Variants in ALDH9A1 observed in about 807,000 individuals in gnomAD.
ALDH9A1 encodes 4-trimethylaminobutyraldehyde dehydrogenase.
Under a neutral mutation model 56.6 loss-of-function variants are expected in ALDH9A1, and 42 were observed. That is an observed-to-expected ratio of 0.74 (90% CI 0.58 to 0.96). The LOEUF (loss-of-function observed/expected upper bound fraction) is 0.96. Among genes scored for constraint, ALDH9A1 ranks in the 40% least tolerant of loss-of-function variants. The pLI, the probability that ALDH9A1 is intolerant of heterozygous loss-of-function variation, is 0.00. For synonymous variants in ALDH9A1, 242 were observed against 236.0 expected, an observed-to-expected ratio of 1.03 and a Z score of -0.23; for missense variants, 661 against 651.5, an observed-to-expected ratio of 1.01 and a Z score of -0.16.
rs554203371 is a variant in ALDH9A1, at chr1:165,680,432, G to A, written c.789+55C>T. 3.7e-5 allele frequency: 58 copies of A among 1,576,756 alleles called. No homozygotes were observed. The African/African-American group carries it at 4.0e-4, about 11-fold the overall frequency. Reference sequence around the variant, plus strand: ...TCCAAAATATACTCTGGGTAGGACCGGATTTGCCACATCCAAATGCCATGT... The same window carrying A: ...TCCAAAATATACTCTGGGTAGGACCAGATTTGCCACATCCAAATGCCATGT... On this transcript the variant is annotated intron_variant, in intron 5 of 10. Coordinates refer to ENST00000354775, the MANE Select transcript of ALDH9A1 (RefSeq NM_000696.4).
chr1:165,670,230 C>T (rs900907374), intron 6 of ALDH9A1, among the ~76,000 whole-genome samples: 8 of 152,064 alleles, frequency 5.3e-5, no homozygotes, highest in African/African-American at 1.9e-4. Flanking sequence ...CTCAGGAGTC[C>T]AAAATCAGCT....
At chr1:165,686,345 G>A (rs1649707661) in intron 2 of ALDH9A1, among the ~76,000 whole-genome samples, 1 of 152,014 alleles carries the variant, frequency 6.6e-6, no homozygotes, top group Non-Finnish European at 1.5e-5. Context: ...AAGATAGGGT[G>A]GGAGTTTAGG....
At chr1:165,663,526 C>T (rs1327240758) in intron 10 of ALDH9A1, among the ~76,000 whole-genome samples, 1 of 152,222 alleles carries the variant, frequency 6.6e-6, no homozygotes, top group Non-Finnish European at 1.5e-5. Context: ...ACACAATAGG[C>T]TTATTCACCA....
intron 2 of ALDH9A1, among the ~76,000 whole-genome samples, chr1:165,688,041 G>A (rs1033997562): frequency 1.3e-4 from 19 of 151,760 alleles, no homozygotes; most frequent in Admixed American, 1.1e-3. Context: ...TCTAGGCTGG[G>A]TACAGTGGCA....
At chr1:165,696,153 A>G (rs557267152) in intron 1 of ALDH9A1, among the ~76,000 whole-genome samples, 1 of 152,196 alleles carries the variant, frequency 6.6e-6, no homozygotes, top group East Asian at 1.9e-4. Flanking sequence ...CACCCGGCCT[A>G]GCAGTTCTTA....
At chr1:165,683,911 T>C (rs1047410323) in intron 2 of ALDH9A1, among the ~76,000 whole-genome samples, 1 of 152,190 alleles carries the variant, frequency 6.6e-6, no homozygotes. Context: ...GCAGTTGCTA[T>C]TATGGGTCCA....
intron 2 of ALDH9A1, among the ~76,000 whole-genome samples, chr1:165,691,113 G>A (rs1649875200): frequency 6.6e-6 from 1 of 152,242 alleles, no homozygotes; most frequent in African/African-American, 2.4e-5. Flanking sequence ...CCTCCCAGTC[G>A]AGGCCGACTG....
Position 165,680,702 on chromosome 1 carries a change from C to T in ALDH9A1, c.593-19G>A. The T allele has an allele frequency of 6.3e-7, 1 of 1,578,842 alleles. No individual in the cohort carries two copies. The highest frequency in any genetic ancestry group is 8.6e-7 in the Non-Finnish European group (1 of 1,164,444). ...GCATTACCTGCATAAACCCAAGACA[C>T]AAACATAAAAAGACTTTCTAAGACC... On this transcript the variant is annotated intron_variant, in intron 4 of 10. Transcript: ENST00000354775.
rs142640961 is a variant in ALDH9A1 at position 165,695,377 on chromosome 1, T to C, written c.202A>G (p.Thr68Ala). The change falls in exon 2 of 11, where the codon ACA becomes GCA. Residue 68 changes from threonine to alanine, a missense_variant. Physicochemically the swap from Thr to Ala is moderately conservative, Grantham distance 58. Coordinates refer to ENST00000354775, the MANE Select transcript of ALDH9A1 (RefSeq NM_000696.4). ...PATGRVIATF[T>A]CSGEKEVNLA... ...TTTACTTCCTTTTCTCCTGAACATG[T>C]GAAAGTAGCTATCACTCGGCCTATA... 9.9e-6 allele frequency: 16 copies of C among 1,610,902 alleles called. No individual in the cohort carries two copies. The highest frequency in any genetic ancestry group is 1.7e-5 in the Admixed American group (1 of 59,456).
At chr1:165,664,087 G>C (rs922441559) in intron 10 of ALDH9A1, among the ~76,000 whole-genome samples, 1 of 152,078 alleles carries the variant, frequency 6.6e-6, no homozygotes, top group African/African-American at 2.4e-5. Flanking sequence ...ATGGCACCTT[G>C]GTTCCCACCT....
chr1:165,667,515 T>C, intron 8 of ALDH9A1, 65 bp from the exon 9 acceptor site: 1 of 1,562,778 alleles, frequency 6.4e-7, no homozygotes, highest in Non-Finnish European at 8.7e-7. Context: ...CACCCCCAGC[T>C]AATTTTTTGA....
At chr1:165,692,360 G>C (rs1032676800) in intron 2 of ALDH9A1, among the ~76,000 whole-genome samples, 1 of 152,190 alleles carries the variant, frequency 6.6e-6, no homozygotes, top group African/African-American at 2.4e-5. Context: ...AGCTACTTCA[G>C]CAAAGTCTCA....
Position 165,668,971 on chromosome 1 carries a change from C to A in ALDH9A1, c.1162G>T (p.Asp388Tyr). Reference protein sequence around the residue: ...LCGGDIYVPEDPKLKDGYYMR... With the variant: ...LCGGDIYVPEYPKLKDGYYMR... ...TAATATCCATCCTTTAATTTGGGAT[C>A]TTCAGGTACATATATATCTCCACCA... Residue 388 changes from aspartate (D) to tyrosine (Y), a missense_variant, in exon 8 of 11, where the codon GAT becomes TAT. Asp to Tyr is a radical substitution (Grantham distance 160). Transcript: ENST00000354775. 3 of 1,612,000 alleles carry A rather than the reference C, an allele frequency of 1.9e-6. No individual in the cohort carries two copies. Among genetic ancestry groups the A allele is most frequent in the Non-Finnish European group, 2.5e-6 (3 of 1,178,316 alleles).
At chr1:165,698,250 C>G in intron 1 of ALDH9A1, 128 bp downstream of exon 1, 1 of 1,442,326 alleles carries the variant, frequency 6.9e-7, no homozygotes, top group Non-Finnish European at 9.1e-7. Context: ...CACACACAAC[C>G]TTAGACTCTC....
chr1:165,669,429 C>G lies in ALDH9A1; in HGVS notation c.952G>C (p.Val318Leu), dbSNP rs752622680. 2 of 1,612,982 alleles carry G rather than the reference C, an allele frequency of 1.2e-6. No homozygotes were observed. The highest frequency in any genetic ancestry group is 1.1e-5 in the South Asian group (1 of 90,870). Residue 318 changes from valine (V) to leucine (L), a missense_variant, in exon 7 of 11, where the codon GTA (valine) becomes CTA (leucine). By Grantham distance (32) the Val-to-Leu change is conservative (BLOSUM62 1). Transcript: ENST00000354775. ...QGQVCCNGTR[V>L]FVQKEILDKF... ...TCAAGAATTTCTTTCTGCACAAATACTCTTGTGCCATTACAGCAAACCTAA... is the reference window on the plus strand; with the variant it reads ...TCAAGAATTTCTTTCTGCACAAATAGTCTTGTGCCATTACAGCAAACCTAA...
At chr1:165,693,510 A>G (rs577851335) in intron 2 of ALDH9A1, among the ~76,000 whole-genome samples, 345 of 152,358 alleles carry the variant, frequency 2.3e-3, no homozygotes, top group African/African-American at 8.0e-3. Context: ...CAAACCCACA[A>G]TGAGATACCA....
intron 2 of ALDH9A1, among the ~76,000 whole-genome samples, chr1:165,683,518 T>C (rs1404564683): frequency 6.6e-6 from 1 of 152,214 alleles, no homozygotes; most frequent in Non-Finnish European, 1.5e-5. Context: ...ATAATTCATT[T>C]TGGAAAATGA....
In ALDH9A1 at chr1:165,662,966, CA is replaced by C; in HGVS notation, c.*83del. Reference sequence around the variant, plus strand: ...CGCCAAAATTCTGGATGTAAAATAACATTCAGTTGTACTGCCTCTGTAAACA... The same window carrying C: ...CGCCAAAATTCTGGATGTAAAATAACTTCAGTTGTACTGCCTCTGTAAACA... On this transcript the variant is annotated 3_prime_UTR_variant, in exon 11 of 11. Coordinates refer to ENST00000354775, the MANE Select transcript of ALDH9A1 (RefSeq NM_000696.4). 8.3e-7 allele frequency: 1 copy of C among 1,204,558 alleles called. No individual in the cohort carries two copies. Among genetic ancestry groups the C allele is most frequent in the Non-Finnish European group, 1.2e-6 (1 of 810,956 alleles). The allele number at this position is 1,204,558 out of a possible 1,614,324, so 74.6% of individuals were successfully genotyped here.
chr1:165,690,762 A>G (rs536480997), intron 2 of ALDH9A1, among the ~76,000 whole-genome samples: 7 of 152,290 alleles, frequency 4.6e-5, no homozygotes, highest in South Asian at 4.1e-4. Flanking sequence ...GCTCACTGCT[A>G]TAACAGCAGT....
Sources: gnomAD v4.1 joint callset for allele counts (sites outside exome capture counted in the v4.1 genomes callset) on GRCh38, gnomAD v4.1.1 for gene constraint, MANE v1.5 for transcripts, NCBI Gene and HGNC (gene_info 2026-07-23, HGNC 2026-07-21) for gene names.